KLC1: variants seen among roughly 807,000 people sequenced by gnomAD.
KLC1 encodes the protein kinesin 2 60/70kDa.
Under a neutral mutation model 84.2 loss-of-function variants are expected in KLC1, and 30 were observed. The observed-to-expected ratio is 0.36, with a 90% confidence interval of 0.27 to 0.48. The LOEUF (loss-of-function observed/expected upper bound fraction) is 0.48, where lower values mean the gene tolerates loss of function less well. Ranked by LOEUF, KLC1 falls within the 20% of genes least tolerant of loss-of-function variation. The pLI, the probability that KLC1 is intolerant of heterozygous loss-of-function variation, is 0.99. For synonymous variants in KLC1, 289 were observed against 293.3 expected (o/e 0.99, Z 0.15); for missense variants, 499 against 805.4 (o/e 0.62, Z 4.60).
At chr14:103,665,063 A>G (rs1412278091) in intron 5 of KLC1, among the ~76,000 whole-genome samples, 1 of 151,964 alleles carries the variant, frequency 6.6e-6, no homozygotes, top group African/African-American at 2.4e-5. Flanking sequence ...GATGTTTGGG[A>G]AAAAAATAGT....
chr14:103,644,267 T>C (rs1460007507), intron 1 of KLC1, among the ~76,000 whole-genome samples: 1 of 143,476 alleles, frequency 7.0e-6, no homozygotes, highest in African/African-American at 2.5e-5. Flanking sequence ...TCTACGTGAC[T>C]TTTTTTTTTT....
rs768281006 is a variant in KLC1, at chr14:103,686,169, G to A, written c.1651-912G>A. The A allele has an allele frequency of 8.9e-5, 88 of 988,096 alleles. No individual in the cohort carries two copies. In the African/African-American group the frequency reaches 1.4e-3, roughly 16 times the overall value. 61.2% of individuals were successfully genotyped at this position (988,096 alleles called of 1,614,324 possible). A position where few individuals can be genotyped will look rare whatever the true frequency, so the allele number is the denominator to read the frequency against. On this transcript the variant is annotated intron_variant, in intron 13 of 16. Transcript: ENST00000334553. ...TGCTTTTCTCTACTAATCTTGAAGT[G>A]CTCAGTGATTTGTGTATTTGTGTCT...
At chr14:103,636,676 C>T (rs2077067114) in intron 1 of KLC1, among the ~76,000 whole-genome samples, 3 of 151,716 alleles carry the variant, frequency 2.0e-5, no homozygotes, top group African/African-American at 2.4e-5. Context: ...AGACTTTTGC[C>T]CATTTAAAAA....
intron 14 of KLC1, 60 bp from the exon 15 acceptor site, chr14:103,692,299 T>G (rs2082167329): frequency 6.7e-7 from 1 of 1,482,278 alleles, no homozygotes; most frequent in Non-Finnish European, 9.1e-7. Context: ...TTGTGCTTCC[T>G]GTTGCTGGTT....
At chr14:103,630,323 GGTATATTT>G (rs1359225412) in intron 1 of KLC1, among the ~76,000 whole-genome samples, 1 of 152,110 alleles carries the variant, frequency 6.6e-6, no homozygotes, top group African/African-American at 2.4e-5. Flanking sequence ...GTCATTTCTA[GGTATATTT>G]GTATTAGAAT....
intron 2 of KLC1, among the ~76,000 whole-genome samples, chr14:103,656,230 T>C (rs1447980753): frequency 6.6e-6 from 1 of 152,174 alleles, no homozygotes. Context: ...AGTGGGAGAC[T>C]GGGGAATGTT....
intron 1 of KLC1, among the ~76,000 whole-genome samples, chr14:103,635,043 C>G (rs1184382387): frequency 6.6e-6 from 1 of 152,086 alleles, no homozygotes; most frequent in Non-Finnish European, 1.5e-5. Context: ...TTAGTTTTAA[C>G]TAATTTTTGG....
Position 103,693,830 on chromosome 14 carries a change from C to G in KLC1, c.1848+1405C>G. The stretch of plus-strand genomic sequence containing the variant: ...CGGCCTGCAGCCCCAGTGCCAGGAG[C>G]CACCCCGACCGCGACCCGGCCAGGC... On this transcript the variant is annotated intron_variant, in intron 15 of 16. Transcript: ENST00000334553. This position sits in a 1 kb window ranked among gnomAD's most constrained non-coding sequence, Gnocchi z 5.1. The G allele has an allele frequency of 7.2e-7, 1 of 1,386,746 alleles. No individual in the cohort carries two copies. The highest frequency in any genetic ancestry group is 9.3e-7 in the Non-Finnish European group (1 of 1,073,528). 85.9% of individuals were successfully genotyped at this position (1,386,746 alleles called of 1,614,324 possible).
At chr14:103,636,826 C>T (rs911427122) in intron 1 of KLC1, among the ~76,000 whole-genome samples, 1 of 151,924 alleles carries the variant, frequency 6.6e-6, no homozygotes, top group African/African-American at 2.4e-5. Flanking sequence ...GGGTTCACGC[C>T]ATTCCCCTGC....
intron 1 of KLC1, among the ~76,000 whole-genome samples, chr14:103,637,302 C>T (rs767960969): frequency 5.9e-5 from 9 of 151,912 alleles, no homozygotes; most frequent in South Asian, 2.1e-4. Flanking sequence ...GAGGCCGAGG[C>T]GGGTGGATCA....
At chr14:103,666,254 G>A (rs1298686798) in intron 5 of KLC1, among the ~76,000 whole-genome samples, 6 of 152,016 alleles carry the variant, frequency 3.9e-5, no homozygotes, top group Non-Finnish European at 8.8e-5. Flanking sequence ...TAGTAGAGAC[G>A]GAGTTTCACC....
chr14:103,650,389 C>G (rs952726304), intron 1 of KLC1, among the ~76,000 whole-genome samples: 15 of 152,058 alleles, frequency 9.9e-5, no homozygotes, highest in African/African-American at 3.6e-4. Flanking sequence ...GGTTGCTAGG[C>G]ATTGTTTTGG....
intron 1 of KLC1, among the ~76,000 whole-genome samples, chr14:103,650,326 G>C (rs888842919): frequency 2.6e-5 from 4 of 152,048 alleles, no homozygotes; most frequent in Non-Finnish European, 4.4e-5. Context: ...AGATGCATTA[G>C]CTCCAAAGCT....
intron 2 of KLC1, among the ~76,000 whole-genome samples, chr14:103,655,344 C>T (rs1359683628): frequency 6.6e-6 from 1 of 152,066 alleles, no homozygotes; most frequent in Non-Finnish European, 1.5e-5. Context: ...CTCTTGCTGC[C>T]CAGGCTGGAG....
rs202182824 is a variant in KLC1 at position 103,681,469 on chromosome 14, TC to T, written c.1650+1931del. Reference sequence around the variant, plus strand: ...GATTTTCTTTTCAAAGTACACTTTTTCCCCCCCGAGACAAGAATCTTGCTCT... The same window carrying T: ...GATTTTCTTTTCAAAGTACACTTTTTCCCCCCGAGACAAGAATCTTGCTCT... On this transcript the variant is annotated intron_variant, in intron 13 of 16. Transcript: ENST00000334553. 6.2e-3 allele frequency among the ~76,000 whole-genome samples: 934 copies of T among 151,842 alleles called. 9 individuals carry two copies. The highest frequency in any genetic ancestry group is 0.022 in the African/African-American group (891 of 41,396).
At chr14:103,685,358 T>C (rs745693241) in intron 13 of KLC1, 127 of 1,239,586 alleles carry the variant, frequency 1.0e-4, no homozygotes, top group Admixed American at 1.8e-4. Flanking sequence ...AGGAGATTTC[T>C]AATACGTTGC....
At chr14:103,659,209 C>T (rs2079087030) in intron 3 of KLC1, among the ~76,000 whole-genome samples, 1 of 152,160 alleles carries the variant, frequency 6.6e-6, no homozygotes, top group Non-Finnish European at 1.5e-5. Context: ...AGGTCATCCC[C>T]CCGCCTCGGC....
intron 1 of KLC1, among the ~76,000 whole-genome samples, chr14:103,636,471 C>T (rs1167459961): frequency 1.3e-5 from 2 of 152,104 alleles, no homozygotes; most frequent in East Asian, 1.9e-4. Flanking sequence ...CACCCCCCAT[C>T]GGCCTCCCAA....
chr14:103,653,624 C>G (rs2078632400), intron 1 of KLC1, among the ~76,000 whole-genome samples: 1 of 152,186 alleles, frequency 6.6e-6, no homozygotes, highest in Non-Finnish European at 1.5e-5. Flanking sequence ...CCTGGCTGTC[C>G]TGCCTTTTTA....
Sources: gnomAD v4.1 joint callset for allele counts (sites outside exome capture counted in the v4.1 genomes callset) on GRCh38, gnomAD v4.1.1 for gene constraint, Gnocchi (gnomAD v3.1) non-coding constraint, MANE v1.5 for transcripts, NCBI Gene and HGNC (gene_info 2026-07-23, HGNC 2026-07-21) for gene names.